Variants in TMEM117 observed in about 807,000 individuals in gnomAD.
The protein encoded by TMEM117 is transmembrane protein 117.
In TMEM117, 27 loss-of-function variants were observed where a neutral mutation model predicts 52.4. The observed-to-expected ratio is 0.51, with a 90% CI of 0.38 to 0.71. The LOEUF is 0.71. Ranked by LOEUF, TMEM117 falls within the 30% of genes least tolerant of loss-of-function variation. The pLI is 0.00. For synonymous variants in TMEM117, 215 were observed against 206.3 expected, an observed-to-expected ratio of 1.04 and a Z score of -0.36; for missense variants, 556 against 630.5, an observed-to-expected ratio of 0.88 and a Z score of 1.26.
At position 43,849,921 on chromosome 12, in the gene TMEM117, TA is replaced by T. The variant is rs375985191; in HGVS notation, c.277+4995del. Reference sequence around the variant, plus strand: ...GATTCTTCATTACTTCATGAACTATTAATCATTTCCTCCTAATAGTTATCTG... The same window carrying T: ...GATTCTTCATTACTTCATGAACTATTATCATTTCCTCCTAATAGTTATCTG... On this transcript the variant is annotated intron_variant, in intron 2 of 7. Coordinates refer to ENST00000266534, the MANE Select transcript of TMEM117 (RefSeq NM_032256.3). 4.9e-3 allele frequency among the ~76,000 whole-genome samples: 739 copies of T among 152,312 alleles called. 5 individuals are homozygous for T. Among genetic ancestry groups the T allele is most frequent in the African/African-American group, 0.017 (724 of 41,572 alleles).
chr12:44,237,337 G>A (rs1950009657), intron 5 of TMEM117, among the ~76,000 whole-genome samples: 1 of 151,704 alleles, frequency 6.6e-6, no homozygotes, highest in South Asian at 2.1e-4. Flanking sequence ...TACCTTCATA[G>A]AATATAATTC....
At chr12:44,299,535 T>C (rs1950811868) in intron 5 of TMEM117, 45 bp from the exon 6 acceptor site, 5 of 1,605,578 alleles carry the variant, frequency 3.1e-6, no homozygotes, top group Non-Finnish European at 8.5e-7. Context: ...CTAGTATCTA[T>C]ATTTTATGCC....
At chr12:44,341,160 C>T (rs1412665370) in intron 6 of TMEM117, among the ~76,000 whole-genome samples, 1 of 151,836 alleles carries the variant, frequency 6.6e-6, no homozygotes, top group Admixed American at 6.6e-5. Context: ...CCACCATGCC[C>T]AGCTAATTAG....
intron 2 of TMEM117, among the ~76,000 whole-genome samples, chr12:43,855,870 G>T (rs1305076644): frequency 2.0e-5 from 3 of 152,132 alleles, no homozygotes; most frequent in African/African-American, 7.2e-5. Context: ...AATAGAAGAG[G>T]TTAAAAGATT....
chr12:44,087,833 A>T (rs1947598391), intron 3 of TMEM117, among the ~76,000 whole-genome samples: 1 of 152,184 alleles, frequency 6.6e-6, no homozygotes, highest in African/African-American at 2.4e-5. Context: ...GCCTCTCTAA[A>T]CTTGACATGT....
intron 3 of TMEM117, among the ~76,000 whole-genome samples, chr12:44,099,310 G>T (rs1257690116): frequency 6.6e-6 from 1 of 151,786 alleles, no homozygotes; most frequent in East Asian, 1.9e-4. Flanking sequence ...TAGATTTCTG[G>T]CAGGTGACCA....
chr12:44,167,518 A>G (rs1346757257), intron 4 of TMEM117, among the ~76,000 whole-genome samples: 1 of 152,010 alleles, frequency 6.6e-6, no homozygotes, highest in African/African-American at 2.4e-5. Context: ...AATACAAAAA[A>G]TTAGCTGGGC....
At chr12:43,967,021 G>A (rs1027700535) in intron 3 of TMEM117, among the ~76,000 whole-genome samples, 1 of 152,100 alleles carries the variant, frequency 6.6e-6, no homozygotes, top group Non-Finnish European at 1.5e-5. Context: ...CCTACTTCCT[G>A]GTATTAAGCC....
chr12:44,201,307 A>G (rs531558802), intron 4 of TMEM117, among the ~76,000 whole-genome samples: 2 of 152,306 alleles, frequency 1.3e-5, no homozygotes, highest in South Asian at 4.1e-4. Context: ...TCCTCAGTAT[A>G]GATCCTAACT....
chr12:44,237,333 C>T (rs1950009496), intron 5 of TMEM117, among the ~76,000 whole-genome samples: 1 of 151,734 alleles, frequency 6.6e-6, no homozygotes, highest in African/African-American at 2.4e-5. Flanking sequence ...TTTTTACCTT[C>T]ATAGAATATA....
chr12:43,859,431 A>C (rs1182430970), intron 2 of TMEM117, among the ~76,000 whole-genome samples: 1 of 152,206 alleles, frequency 6.6e-6, no homozygotes, highest in Non-Finnish European at 1.5e-5. Context: ...ATTCATTCTG[A>C]AAATGATAGG....
chr12:43,882,995 G>A (rs1006620511), intron 2 of TMEM117, among the ~76,000 whole-genome samples: 1 of 152,156 alleles, frequency 6.6e-6, no homozygotes, highest in Non-Finnish European at 1.5e-5. Context: ...AGAGCATTCT[G>A]ATTTGGAGTG....
At chr12:44,121,082 G>A (rs1948226425) in intron 3 of TMEM117, among the ~76,000 whole-genome samples, 1 of 152,068 alleles carries the variant, frequency 6.6e-6, no homozygotes. Context: ...GCTTGTGCAG[G>A]GAAACTCCTG....
chr12:43,809,438 G>C, the TMEM117 span, among the ~76,000 whole-genome samples: 46 of 152,262 alleles, frequency 3.0e-4, no homozygotes, highest in Admixed American at 1.9e-3. Flanking sequence ...CATGTCTCAT[G>C]GTTGTCATGA....
At chr12:43,929,342 T>A (rs949715782) in intron 2 of TMEM117, among the ~76,000 whole-genome samples, 2 of 152,208 alleles carry the variant, frequency 1.3e-5, no homozygotes, top group African/African-American at 4.8e-5. Flanking sequence ...TAATTACACA[T>A]ACTTTTATTC....
At chr12:44,040,977 T>C (rs1329999865) in intron 3 of TMEM117, among the ~76,000 whole-genome samples, 1 of 152,072 alleles carries the variant, frequency 6.6e-6, no homozygotes, top group Non-Finnish European at 1.5e-5. Flanking sequence ...TTGACAGAAG[T>C]AAATGGCAAT....
chr12:44,388,429 G>A lies in TMEM117; in HGVS notation c.1302G>A (p.Met434Ile), dbSNP rs768055200. 18 of 1,613,350 alleles carry A rather than the reference G, an allele frequency of 1.1e-5. No homozygotes were observed. In the Admixed American group the frequency reaches 1.2e-4, roughly 10 times the overall value. Residue 434 changes from methionine to isoleucine, a missense_variant, in exon 8 of 8, where the codon ATG becomes ATA. By Grantham distance (10) the Met-to-Ile change is conservative. This residue lies in a region of TMEM117 where 206 missense variants were observed against 211.1 expected (regional missense o/e 0.98). Transcript: ENST00000266534. ...MENQDKTYTR[M>I]KRKSPSEHSK... ...ATCAAGACAAAACTTACACTCGCAT[G>A]AAAAGAAAATCTCCATCAGAACATA...
At chr12:43,891,040 G>A (rs1944093892) in intron 2 of TMEM117, among the ~76,000 whole-genome samples, 2 of 151,858 alleles carry the variant, frequency 1.3e-5, no homozygotes, top group Admixed American at 1.3e-4. Context: ...TCATGCATGT[G>A]GAGGGCCATC....
At chr12:44,064,701 T>G (rs1338485626) in intron 3 of TMEM117, among the ~76,000 whole-genome samples, 1 of 152,224 alleles carries the variant, frequency 6.6e-6, no homozygotes, top group Non-Finnish European at 1.5e-5. Flanking sequence ...TATCCTTGGT[T>G]TTGAACACTA....
Sources: gnomAD v4.1 joint callset for allele counts (sites outside exome capture counted in the v4.1 genomes callset) on GRCh38, gnomAD v4.1.1 for gene constraint, gnomAD v4.1.1 regional missense constraint, MANE v1.5 for transcripts, NCBI Gene and HGNC (gene_info 2026-07-23, HGNC 2026-07-21) for gene names.